PROSER3: variants seen among roughly 807,000 people sequenced by gnomAD.
The protein encoded by PROSER3 is proline and serine-rich protein 3.
PROSER3 carries 33 observed loss-of-function variants against 50.2 expected under a neutral mutation model. The observed-to-expected ratio is 0.66, with a 90% CI of 0.50 to 0.88. PROSER3 has a LOEUF of 0.88. Ranked by LOEUF, PROSER3 falls within the 40% of genes least tolerant of loss-of-function variation. The probability of loss-of-function intolerance (pLI) is 0.00; values close to 1 mark genes in which losing one functional copy is unlikely to be tolerated. For missense variants in PROSER3, 623 were observed against 612.7 expected (o/e 1.02, Z -0.18); for synonymous variants, 266 against 259.3 (o/e 1.03, Z -0.25).
intron 10 of PROSER3, 28 bp downstream of exon 10, chr19:35,768,264 A>G (rs1165251336): frequency 5.6e-6 from 9 of 1,602,922 alleles, no homozygotes; most frequent in Non-Finnish European, 6.8e-6. Context: ...CCCAGAGTCT[A>G]TGACACTGGG....
intron 3 of PROSER3, among the ~76,000 whole-genome samples, chr19:35,761,533 A>G (rs1159435222): frequency 1.3e-5 from 2 of 152,184 alleles, no homozygotes; most frequent in Non-Finnish European, 2.9e-5. Context: ...GTGGTGGTGC[A>G]TGCCTGTAAT....
intron 8 of PROSER3, 25 bp from the exon 9 acceptor site, chr19:35,767,047 T>A: frequency 7.5e-7 from 1 of 1,334,888 alleles, no homozygotes; most frequent in Non-Finnish European, 1.0e-6. Context: ...TCTCTCTGTC[T>A]CAGATCTCTC....
chr19:35,767,240 G>A (rs1334535423), intron 8 of PROSER3: 4 of 382,212 alleles, frequency 1.0e-5, no homozygotes, highest in African/African-American at 6.2e-5. Flanking sequence ...CAGCTCCCAC[G>A]GGTTCTTCTG....
intron 7 of PROSER3, 38 bp from the exon 8 acceptor site, chr19:35,766,729 GC>G: frequency 6.8e-7 from 1 of 1,470,754 alleles, no homozygotes; most frequent in Admixed American, 2.0e-5. Flanking sequence ...GATCTCCCTG[GC>G]CCCTGCCTCA....
chr19:35,761,657 G>A (rs548663284), intron 3 of PROSER3, among the ~76,000 whole-genome samples: 5 of 151,964 alleles, frequency 3.3e-5, no homozygotes, highest in Admixed American at 6.6e-5. Context: ...GCAAAACTCC[G>A]TCTCAAAAAA....
downstream of PROSER3, chr19:35,769,309 T>A (rs12460977): frequency 6.8e-6 from 1 of 146,498 alleles, no homozygotes; most frequent in Non-Finnish European, 1.5e-5. Context: ...CCAGCTTCTT[T>A]TTTTTTTTTT....
At chr19:35,764,886 C>T (rs2146604373) in exon 6 of PROSER3, 1 of 1,613,768 alleles carries the variant, frequency 6.2e-7, no homozygotes, top group South Asian at 1.1e-5. Context: ...CCCTGCTGGA[C>T]CTGGAGACGC....
chr19:35,763,514 T>C (rs964086981), intron 5 of PROSER3, among the ~76,000 whole-genome samples: 2 of 149,672 alleles, frequency 1.3e-5, no homozygotes, highest in African/African-American at 4.9e-5. Flanking sequence ...CCTTTTTTTT[T>C]TTTTTTTGAG....
chr19:35,762,600 C>A, intron 5 of PROSER3: 1 of 454,464 alleles, frequency 2.2e-6, no homozygotes, highest in East Asian at 3.8e-5. Flanking sequence ...GTGGTATGTA[C>A]CTGTAATCCC....
chr19:35,768,474 G>A (rs779039840), exon 11 of PROSER3: 4 of 1,598,192 alleles, frequency 2.5e-6, no homozygotes, highest in South Asian at 1.1e-5. Context: ...CCCTCCAGCC[G>A]GGTCGCCCCC....
intron 3 of PROSER3, among the ~76,000 whole-genome samples, chr19:35,761,618 G>A (rs771325327): frequency 1.3e-5 from 2 of 152,092 alleles, no homozygotes; most frequent in Non-Finnish European, 2.9e-5. Context: ...CCAAGATCAC[G>A]CCATTGCACT....
exon 11 of PROSER3, chr19:35,768,491 C>T: frequency 6.3e-7 from 1 of 1,598,158 alleles, no homozygotes. Flanking sequence ...CCCCTAGGTC[C>T]CCAAGGAGGC....
At chr19:35,762,138 G>A (rs749539126) in exon 4 of PROSER3, 1 of 1,597,818 alleles carries the variant, frequency 6.3e-7, no homozygotes, top group Non-Finnish European at 8.6e-7. Flanking sequence ...AGCAGTCAAA[G>A]TGCAGCAGGT....
chr19:35,768,205 G>T lies in PROSER3; in HGVS notation c.1270G>T (p.Ala424Ser), dbSNP rs553192336. 38 of 1,613,504 alleles carry T rather than the reference G, an allele frequency of 2.4e-5. No individual in the cohort carries two copies. In the East Asian group the frequency reaches 6.2e-4, roughly 27 times the overall value. The change falls in exon 10 of 11, where the codon GCC (alanine) becomes TCC (serine). Residue 424 changes from alanine to serine, a missense_variant. Ala to Ser is a moderately conservative substitution (Grantham distance 99, BLOSUM62 1). This residue lies in a region of PROSER3 where 380 missense variants were observed against 346.8 expected (regional missense o/e 1.10). Coordinates refer to ENST00000396908, the Ensembl canonical transcript of PROSER3. ...CGATCCCGTGCTGCAGGTGCTAAGA[G>T]CCCATAGGGCAGAGCTGAGTCGGCA...
At position 35,767,932 on chromosome 19, in the gene PROSER3, C is replaced by G. The variant is rs772112694; in HGVS notation, c.1086C>G (p.Thr362=). 4 of 1,612,172 alleles carry G rather than the reference C, an allele frequency of 2.5e-6. No homozygotes were observed. The South Asian group carries it at 4.4e-5, about 18-fold the overall frequency. ...CACTCTCTCCAGCTGAGCAGGCAAC[C>G]ACAGTCAAGGCCTCGCCGCCAGCCT... Residue 362 remains threonine (T), a synonymous_variant, in exon 9 of 11, where the codon ACC becomes ACG. Coordinates refer to ENST00000396908, the Ensembl canonical transcript of PROSER3.
intron 3 of PROSER3, 64 bp downstream of exon 3, chr19:35,760,055 G>A: frequency 7.1e-7 from 1 of 1,404,992 alleles, no homozygotes; most frequent in East Asian, 2.5e-5. Context: ...AAGGCATGCA[G>A]TAATAATCAT....
intron 8 of PROSER3, 43 bp downstream of exon 8, chr19:35,766,998 G>C: frequency 6.6e-7 from 1 of 1,523,602 alleles, no homozygotes; most frequent in South Asian, 1.2e-5. Context: ...CTGGAGGAGG[G>C]GCTGGGTCTG....
rs1343662814 is a variant in PROSER3, at chr19:35,764,382, C to T, written c.544-472C>T. On this transcript the variant is annotated intron_variant, in intron 5 of 10. Coordinates refer to ENST00000396908, the Ensembl canonical transcript of PROSER3. Reference sequence around the variant, plus strand: ...CCATGAAAGGTGCTAATCCACCGGGCGCGGTGGCTCACGCCTGTAATCCCA... The same window carrying T: ...CCATGAAAGGTGCTAATCCACCGGGTGCGGTGGCTCACGCCTGTAATCCCA... Among the ~76,000 whole-genome samples, 2 of 152,154 alleles carry T rather than the reference C, an allele frequency of 1.3e-5. 1 individual carries two copies. The highest frequency in any genetic ancestry group is 4.8e-5 in the African/African-American group (2 of 41,526).
chr19:35,768,031 T>G, exon 9 of PROSER3: 1 of 1,582,218 alleles, frequency 6.3e-7, no homozygotes, highest in Non-Finnish European at 8.6e-7. Flanking sequence ...AGGCCCTGCT[T>G]GCCCAGGCCG....
Sources: gnomAD v4.1 joint callset for allele counts (sites outside exome capture counted in the v4.1 genomes callset) on GRCh38, gnomAD v4.1.1 for gene constraint, gnomAD v4.1.1 regional missense constraint, MANE v1.5 for transcripts, NCBI Gene and HGNC (gene_info 2026-07-23, HGNC 2026-07-21) for gene names.